The following COL6A3 variants were observed in gnomAD, a reference collection of about 807,000 sequenced individuals.
COL6A3 encodes the protein collagen type VI alpha 3 chain, also known as collagen alpha-3(VI) chain.
COL6A3 carries 137 observed loss-of-function variants against 274.1 expected under a neutral mutation model. That is an observed-to-expected ratio of 0.50 (90% CI 0.44 to 0.58). The LOEUF is 0.58. COL6A3 is among the 20% of genes least tolerant of loss of function. COL6A3 has a pLI of 0.00. For synonymous variants in COL6A3, 1,650 were observed against 1,650.6 expected (o/e 1.00, Z 0.01); for missense variants, 3,950 against 4,124.9 (o/e 0.96, Z 1.16).
Position 237,369,439 on chromosome 2 carries a change from T to C in COL6A3, c.4286-262A>G, listed in dbSNP as rs180926553. On this transcript the variant is annotated intron_variant, in intron 9 of 43. Coordinates refer to ENST00000295550, the MANE Select transcript of COL6A3 (RefSeq NM_004369.4). ...CTCTATTTAAATTTTGGCATTGTGGTCTGGGTTACTACTGATTTCTAAAAT... is the reference window on the plus strand; with the variant it reads ...CTCTATTTAAATTTTGGCATTGTGGCCTGGGTTACTACTGATTTCTAAAAT... Among the ~76,000 whole-genome samples, 1,179 of 152,356 alleles carry C rather than the reference T, an allele frequency of 7.7e-3. 18 individuals carry two copies. Among genetic ancestry groups the C allele is most frequent in the African/African-American group, 0.027 (1,133 of 41,582 alleles).
At chr2:237,392,657 T>C (rs1283104394) in intron 3 of COL6A3, among the ~76,000 whole-genome samples, 1 of 152,238 alleles carries the variant, frequency 6.6e-6, no homozygotes, top group Non-Finnish European at 1.5e-5. Flanking sequence ...TCTTTTTTGA[T>C]TCAAAGAATT....
At chr2:237,401,680 T>A (rs2078593416) in intron 1 of COL6A3, among the ~76,000 whole-genome samples, 1 of 147,472 alleles carries the variant, frequency 6.8e-6, no homozygotes, top group Non-Finnish European at 1.5e-5. Flanking sequence ...ATTACACCAC[T>A]TATACTGTAA....
chr2:237,369,240 T>C, intron 9 of COL6A3, 63 bp from the exon 10 acceptor site: 1 of 1,588,936 alleles, frequency 6.3e-7, no homozygotes, highest in African/African-American at 1.3e-5. Flanking sequence ...CCAGGTTTGG[T>C]GTGCACCTTG....
chr2:237,344,287 C>T lies in COL6A3; in HGVS notation c.7668+63G>A. The stretch of plus-strand genomic sequence containing the variant: ...AAGCCACAAAGGAGCATGGACGTGT[C>T]TGAGAACCTTCTCAGAGCCCCAGAA... On this transcript the variant is annotated intron_variant, in intron 36 of 43. Coordinates refer to ENST00000295550, the MANE Select transcript of COL6A3 (RefSeq NM_004369.4). This position sits in a 1 kb window ranked among gnomAD's most constrained non-coding sequence, Gnocchi z 4.8. 1 of 1,613,004 alleles carries T rather than the reference C, an allele frequency of 6.2e-7. No individual in the cohort carries two copies. Among genetic ancestry groups the T allele is most frequent in the Non-Finnish European group, 8.5e-7 (1 of 1,179,718 alleles).
At chr2:237,353,278 AATC>A in intron 25 of COL6A3, 60 bp downstream of exon 25, 1 of 1,516,792 alleles carries the variant, frequency 6.6e-7, no homozygotes, top group Non-Finnish European at 9.1e-7. Flanking sequence ...AATGCCACCC[AATC>A]ATTTTTTAAA....
At position 237,395,152 on chromosome 2, in the gene COL6A3, C is replaced by A; in HGVS notation, c.144G>T (p.Trp48Cys). The stretch of plus-strand genomic sequence containing the variant: ...GTTGGAAATGTTCCTCTCCAATGGT[C>A]CAAGAGGAATCCACTAGAAATATTA... ...ADIIFLVDSSWTIGEEHFQLV... is the reference protein window; with the variant it reads ...ADIIFLVDSSCTIGEEHFQLV... Residue 48 changes from tryptophan to cysteine, a missense_variant, in exon 3 of 44, where the codon TGG becomes TGT. Transcript: ENST00000295550. The A allele has an allele frequency of 6.2e-7, 1 of 1,613,718 alleles. No homozygotes were observed. The highest frequency in any genetic ancestry group is 8.5e-7 in the Non-Finnish European group (1 of 1,179,878).
In COL6A3 at chr2:237,336,610, A is replaced by G. The variant is rs141016523; in HGVS notation, c.8568-78T>C. ...ATAAAGACATAACCCCATGAGCTAC[A>G]TTAAATTTGTTTTAGCAAAATGCAT... On this transcript the variant is annotated intron_variant, in intron 39 of 43. Transcript: ENST00000295550. 818 of 1,512,048 alleles carry G rather than the reference A, an allele frequency of 5.4e-4. 11 individuals are homozygous for G. In the African/African-American group the frequency reaches 0.01, roughly 19 times the overall value. 93.7% of individuals were successfully genotyped at this position (1,512,048 alleles called of 1,614,324 possible). A position where few individuals can be genotyped will look rare whatever the true frequency, so the allele number is the denominator to read the frequency against.
intron 1 of COL6A3, among the ~76,000 whole-genome samples, chr2:237,410,543 G>A (rs747735043): frequency 6.6e-6 from 1 of 151,956 alleles, no homozygotes; most frequent in Admixed American, 6.6e-5. Context: ...GGGCTCAAGC[G>A]ATCCGCCCAC....
chr2:237,374,287 T>G lies in COL6A3; in HGVS notation c.3679+125A>C. On this transcript the variant is annotated intron_variant, in intron 8 of 43. Coordinates refer to ENST00000295550, the MANE Select transcript of COL6A3 (RefSeq NM_004369.4). This position sits in a 1 kb window ranked among gnomAD's most constrained non-coding sequence, Gnocchi z 4.8. ...GGGCATGTGGGTTCCTAAATTTTCC[T>G]GTAATTTTAGTTTTCACTTCACATG... The G allele has an allele frequency of 4.2e-6, 6 of 1,415,626 alleles. No homozygotes were observed. Among genetic ancestry groups the G allele is most frequent in the Non-Finnish European group, 5.9e-6 (6 of 1,018,186 alleles). The allele number at this position is 1,415,626 out of a possible 1,614,324, so 87.7% of individuals were successfully genotyped here.
chr2:237,334,587 T>A, intron 41 of COL6A3, 39 bp downstream of exon 41: 2 of 1,607,970 alleles, frequency 1.2e-6, no homozygotes, highest in Non-Finnish European at 1.7e-6. Flanking sequence ...ATACTCTACA[T>A]AGAAATCAGG....
At chr2:237,388,317 T>A in intron 3 of COL6A3, 133 bp from the exon 4 acceptor site, 9 of 1,099,554 alleles carry the variant, frequency 8.2e-6, no homozygotes, top group Non-Finnish European at 1.2e-5. Context: ...CACATGTTGA[T>A]GAAGGAATGT....
chr2:237,325,505 A>G (rs1699891752), intron 43 of COL6A3, 55 bp downstream of exon 43: 1 of 1,585,312 alleles, frequency 6.3e-7, no homozygotes, highest in Admixed American at 1.7e-5. Flanking sequence ...AAGGTGACTT[A>G]TTGACCTGAA....
At chr2:237,349,634 C>T (rs368699385) in intron 28 of COL6A3, among the ~76,000 whole-genome samples, 218 of 152,276 alleles carry the variant, frequency 1.4e-3, no homozygotes, top group Non-Finnish European at 2.2e-3. Flanking sequence ...TAGAAATGTA[C>T]ATCACAAAAT....
In COL6A3 at chr2:237,374,705, G is replaced by C. The variant is rs2106361244; in HGVS notation, c.3386C>G (p.Thr1129Arg). The C allele has an allele frequency of 6.2e-7, 1 of 1,613,494 alleles. No homozygotes were observed. The highest frequency in any genetic ancestry group is 1.1e-5 in the South Asian group (1 of 91,072). ...ILVSSAGSRI[T>R]EGVPQLLIVL... ...GATCAGCAGCTGGGGCACACCTTCT[G>C]TTATCCTGCTTCCCGCAGAGCTGAC... Residue 1129 changes from threonine to arginine, a missense_variant, in exon 8 of 44, where the codon ACA (threonine) becomes AGA (arginine). Physicochemically the swap from Thr to Arg is moderately conservative, Grantham distance 71. Transcript: ENST00000295550. The surrounding 1 kb of genome is among the most constrained non-coding windows in gnomAD (Gnocchi z 4.8).
intron 31 of COL6A3, 89 bp from the exon 32 acceptor site, chr2:237,346,654 C>G: frequency 8.4e-7 from 1 of 1,191,564 alleles, no homozygotes; most frequent in Non-Finnish European, 1.2e-6. Context: ...TAAAAGTGAT[C>G]TAACCCAAGG....
In COL6A3 at chr2:237,364,011, T is replaced by C. The variant is rs1467427998; in HGVS notation, c.5917+339A>G. 2.0e-5 allele frequency among the ~76,000 whole-genome samples: 3 copies of C among 152,232 alleles called. No homozygotes were observed. The highest frequency in any genetic ancestry group is 4.8e-5 in the African/African-American group (2 of 41,456). ...TAACTGCAAACCAAAAATAGAGCAA[T>C]GTATTTTTATTAGTAACTAATTCCT... On this transcript the variant is annotated intron_variant, in intron 13 of 43. Transcript: ENST00000295550. The surrounding 1 kb of genome is among the most constrained non-coding windows in gnomAD (Gnocchi z 4.6).
Position 237,381,447 on chromosome 2 carries a change from T to C in COL6A3, c.1365A>G (p.Ala455=). 1 of 1,610,066 alleles carries C rather than the reference T, an allele frequency of 6.2e-7. No individual in the cohort carries two copies. Among genetic ancestry groups the C allele is most frequent in the South Asian group, 1.1e-5 (1 of 91,082 alleles). ...TGGCATTGAAGTTGGCCAGTCCCAGTGCAGATGAGCCATCCACCAGGAAGA... is the reference window on the plus strand; with the variant it reads ...TGGCATTGAAGTTGGCCAGTCCCAGCGCAGATGAGCCATCCACCAGGAAGA... The part of the protein sequence containing the change: ...DIVFLVDGSS[A]LGLANFNAIR... Residue 455 remains alanine (A), a synonymous_variant, in exon 5 of 44, where the codon GCA becomes GCG. Transcript: ENST00000295550.
In COL6A3 at chr2:237,378,740, A is replaced by G. The variant is rs939675343; in HGVS notation, c.2393T>C (p.Leu798Pro). 6.2e-7 allele frequency: 1 copy of G among 1,614,154 alleles called. No individual in the cohort carries two copies. The highest frequency in any genetic ancestry group is 1.3e-5 in the African/African-American group (1 of 75,070). Residue 798 changes from leucine (L) to proline (P), a missense_variant, in exon 6 of 44, where the codon CTC (leucine) becomes CCC (proline). This residue lies in a region of COL6A3 where 1,934 missense variants were observed against 1,984.3 expected (regional missense o/e 0.97). Coordinates refer to ENST00000295550, the MANE Select transcript of COL6A3 (RefSeq NM_004369.4). ...QIAFNPSLVYLMDDFSSLPAL... is the reference protein window; with the variant it reads ...QIAFNPSLVYPMDDFSSLPAL... ...TGGCAGGGAGCTGAAATCATCCATG[A>G]GATACACCAGGCTTGGGTTAAAAGC...
rs1473692842 is a variant in COL6A3, at chr2:237,352,536, T to C, written c.6739A>G (p.Ile2247Val). 1 of 1,613,074 alleles carries C rather than the reference T, an allele frequency of 6.2e-7. No homozygotes were observed. The highest frequency in any genetic ancestry group is 1.7e-5 in the Admixed American group (1 of 59,966). ...GPPGLIGEQG[I>V]SGPRGSGGAA... is the part of the protein sequence containing the mutation. Reference sequence around the variant, plus strand: ...GACAGGCTTACCCGAGGTCCAGAAATGCCTTGTTCTCCTATCAGCCCTGGA... The same window carrying C: ...GACAGGCTTACCCGAGGTCCAGAAACGCCTTGTTCTCCTATCAGCCCTGGA... Residue 2247 changes from isoleucine (I) to valine (V), a missense_variant, in exon 26 of 44, where the codon ATT becomes GTT. Around this residue, in one of 5 missense-constraint regions of COL6A3, gnomAD observed 1,284 missense variants for 1,349.7 expected, o/e 0.95. Coordinates refer to ENST00000295550, the MANE Select transcript of COL6A3 (RefSeq NM_004369.4).
Sources: gnomAD v4.1 joint callset for allele counts (sites outside exome capture counted in the v4.1 genomes callset) on GRCh38, gnomAD v4.1.1 for gene constraint, gnomAD v4.1.1 regional missense constraint, Gnocchi (gnomAD v3.1) non-coding constraint, MANE v1.5 for transcripts, NCBI Gene and HGNC (gene_info 2026-07-23, HGNC 2026-07-21) for gene names.